The following SPART variants were observed in gnomAD, a reference collection of about 807,000 sequenced individuals.
SPART encodes spartin.
In SPART, 35 loss-of-function variants were observed where a neutral mutation model predicts 58.7. That is an observed-to-expected ratio of 0.60 (90% CI 0.46 to 0.79). The LOEUF is 0.79. SPART is among the 30% of genes least tolerant of loss of function. The pLI is 0.00. For missense variants in SPART, 730 were observed against 786.1 expected (o/e 0.93, Z 0.85); for synonymous variants, 284 against 280.7 (o/e 1.01, Z -0.12).
chr13:36,361,404 TTTG>T (rs972111441), intron 1 of SPART, among the ~76,000 whole-genome samples: 2 of 152,132 alleles, frequency 1.3e-5, no homozygotes, highest in Non-Finnish European at 2.9e-5. Flanking sequence ...TTTTGTTGTT[TTTG>T]TTGTTGTTGT....
intron 1 of SPART, among the ~76,000 whole-genome samples, chr13:36,342,265 GA>G (rs1185826216): frequency 6.6e-6 from 1 of 152,174 alleles, no homozygotes; most frequent in Non-Finnish European, 1.5e-5. Flanking sequence ...CTACTTTGCA[GA>G]GAAGAAAATT....
Position 36,326,574 on chromosome 13 carries a change from C to T in SPART, c.1288+1G>A. On this transcript the variant is annotated splice_donor_variant, in intron 5 of 8. Transcript: ENST00000438666. LOFTEE classifies it high-confidence loss of function. ...GAAAAAAATTAACATTACTGTAATA[C>T]CTGACAAAATGTTGTGAGCCACTTT... 6.2e-7 allele frequency: 1 copy of T among 1,613,268 alleles called. No individual in the cohort carries two copies. The highest frequency in any genetic ancestry group is 1.1e-5 in the South Asian group (1 of 91,056).
chr13:36,322,595 A>G (rs142320254), intron 5 of SPART, among the ~76,000 whole-genome samples: 1 of 152,344 alleles, frequency 6.6e-6, no homozygotes, highest in African/African-American at 2.4e-5. Flanking sequence ...TATGAGTTTA[A>G]AACACTGATC....
chr13:36,314,444 T>C (rs1217619937), intron 5 of SPART, 23 bp from the exon 6 acceptor site: 15 of 1,605,508 alleles, frequency 9.3e-6, no homozygotes, highest in East Asian at 2.2e-5. Flanking sequence ...AAATTTAAAA[T>C]TGCACAATAT....
At chr13:36,337,356 C>G (rs1313779192) in intron 1 of SPART, among the ~76,000 whole-genome samples, 2 of 152,038 alleles carry the variant, frequency 1.3e-5, no homozygotes, top group Non-Finnish European at 2.9e-5. Context: ...TGGCGATGTC[C>G]CCACCCAGAT....
chr13:36,362,086 C>T (rs1885883827), intron 1 of SPART, among the ~76,000 whole-genome samples: 1 of 152,166 alleles, frequency 6.6e-6, no homozygotes, highest in African/African-American at 2.4e-5. Flanking sequence ...TGTGGTGGCT[C>T]ACGCCTGTAA....
intron 5 of SPART, among the ~76,000 whole-genome samples, chr13:36,324,786 G>A (rs144073669): frequency 8.5e-5 from 13 of 152,314 alleles, no homozygotes; most frequent in East Asian, 5.8e-4. Context: ...GAGAGTCAGC[G>A]AAGGGAGATA....
intron 4 of SPART, 30 bp from the exon 5 acceptor site, chr13:36,326,728 A>G: frequency 6.2e-7 from 1 of 1,610,656 alleles, no homozygotes; most frequent in Non-Finnish European, 8.5e-7. Context: ...CAAAATGTGA[A>G]GAGTTAGTAC....
At chr13:36,308,353 T>G (rs1384205093) in intron 8 of SPART, 1 of 152,152 alleles carries the variant, frequency 6.6e-6, no homozygotes, top group Non-Finnish European at 1.5e-5. Flanking sequence ...GAAACTAAAT[T>G]ACTGCTAAGA....
chr13:36,308,181 T>C (rs1880710920), intron 8 of SPART, among the ~76,000 whole-genome samples: 1 of 152,144 alleles, frequency 6.6e-6, no homozygotes, highest in South Asian at 2.1e-4. Flanking sequence ...ATTTCTTCAG[T>C]TCTATCACTA....
intron 2 of SPART, 46 bp downstream of exon 2, chr13:36,334,975 A>C (rs1555263063): frequency 2.1e-6 from 3 of 1,436,046 alleles, no homozygotes; most frequent in Non-Finnish European, 2.0e-6. Context: ...AAAATGATGT[A>C]GTCTACACGT....
intron 1 of SPART, among the ~76,000 whole-genome samples, chr13:36,364,463 C>A (rs1885982150): frequency 6.6e-6 from 1 of 152,144 alleles, no homozygotes; most frequent in Admixed American, 6.5e-5. Flanking sequence ...GCCAACACTG[C>A]TAGAGCAGGT....
At chr13:36,365,729 G>C (rs1159986065) in intron 1 of SPART, 2 of 372,530 alleles carry the variant, frequency 5.4e-6, no homozygotes, top group African/African-American at 4.3e-5. Flanking sequence ...TATCTCCATA[G>C]CTCCAGCATC....
In SPART at chr13:36,302,179, T is replaced by C. The variant is rs1880051177; in HGVS notation, c.*2186A>G. Reference sequence around the variant, plus strand: ...ATTGGCAGCTTTCCATGTCTTTAGGTGTGATGAGTTTTTAAGTGTTGTTAT... The same window carrying C: ...ATTGGCAGCTTTCCATGTCTTTAGGCGTGATGAGTTTTTAAGTGTTGTTAT... On this transcript the variant is annotated 3_prime_UTR_variant, in exon 9 of 9. Transcript: ENST00000438666. 6.6e-6 allele frequency: 1 copy of C among 152,128 alleles called. No individual in the cohort carries two copies. Among genetic ancestry groups the C allele is most frequent in the Non-Finnish European group, 1.5e-5 (1 of 68,022 alleles). 9.4% of individuals were successfully genotyped at this position (152,128 alleles called of 1,614,324 possible).
intron 5 of SPART, chr13:36,326,352 T>TC: frequency 1.8e-6 from 1 of 540,624 alleles, no homozygotes; most frequent in Non-Finnish European, 3.2e-6. Context: ...CTATCCATTT[T>TC]CCCAATAGTA....
rs1050972509 is a variant in SPART at position 36,302,675 on chromosome 13, T to C, written c.*1690A>G. 1.3e-5 allele frequency: 2 copies of C among 152,156 alleles called. No homozygotes were observed. The highest frequency in any genetic ancestry group is 2.9e-5 in the Non-Finnish European group (2 of 68,014). 9.4% of individuals were successfully genotyped at this position (152,156 alleles called of 1,614,324 possible). A position where few individuals can be genotyped will look rare whatever the true frequency, so the allele number is the denominator to read the frequency against. ...GATACATGAGATATTTTGATACAGG[T>C]ATGCGATTTATAATAATTACATCAG... is the stretch of plus-strand genomic sequence containing the variant. On this transcript the variant is annotated 3_prime_UTR_variant, in exon 9 of 9. Transcript: ENST00000438666.
In SPART at chr13:36,335,329, C is replaced by G. The variant is rs1263892061; in HGVS notation, c.502G>C (p.Ala168Pro). The G allele has an allele frequency of 6.2e-7, 1 of 1,613,910 alleles. No individual in the cohort carries two copies. Among genetic ancestry groups the G allele is most frequent in the African/African-American group, 1.3e-5 (1 of 74,902 alleles). Residue 168 changes from alanine to proline, a missense_variant, in exon 2 of 9, where the codon GCA becomes CCA. By Grantham distance (27) the Ala-to-Pro change is conservative. Coordinates refer to ENST00000438666, the MANE Select transcript of SPART (RefSeq NM_015087.5). The part of the protein sequence containing the change: ...SLSLPSQSCP[A>P]EAPPAYTPQA... The stretch of plus-strand genomic sequence containing the variant: ...GGAGTATAAGCAGGAGGAGCTTCTG[C>G]TGGACAACTTTGTGATGGTAAAGAC...
intron 8 of SPART, among the ~76,000 whole-genome samples, chr13:36,310,977 C>T (rs892062757): frequency 4.6e-5 from 7 of 152,052 alleles, no homozygotes; most frequent in African/African-American, 1.4e-4. Flanking sequence ...TCTGTTATTT[C>T]GTGTGTTTGG....
chr13:36,331,653 T>A, intron 2 of SPART, 57 bp from the exon 3 acceptor site: 1 of 1,237,822 alleles, frequency 8.1e-7, no homozygotes, highest in Non-Finnish European at 1.1e-6. Context: ...AAACTAGATT[T>A]TCATTTATGT....
Sources: gnomAD v4.1 joint callset for allele counts (sites outside exome capture counted in the v4.1 genomes callset) on GRCh38, gnomAD v4.1.1 for gene constraint, MANE v1.5 for transcripts, NCBI Gene and HGNC (gene_info 2026-07-23, HGNC 2026-07-21) for gene names.